The following DICER1 variants were observed in gnomAD, a reference collection of about 807,000 sequenced individuals.
DICER1 encodes the protein dicer 1, ribonuclease III.
In DICER1, 43 loss-of-function variants were observed where a neutral mutation model predicts 194.1. The ratio of observed to expected loss-of-function variants is 0.22; its 90% CI spans 0.17 to 0.29. DICER1 has a LOEUF of 0.29. Among genes scored for constraint, DICER1 ranks in the 10% least tolerant of loss-of-function variants. The pLI, the probability that DICER1 is intolerant of heterozygous loss-of-function variation, is 1.00. For missense variants in DICER1, 1,608 were observed against 2,317.0 expected (o/e 0.69, Z 6.28); for synonymous variants, 832 against 820.5 (o/e 1.01, Z -0.24).
In DICER1 at chr14:95,112,173, A is replaced by G. The variant is rs140087741; in HGVS notation, c.2115T>C (p.Ile705=). Residue 705 remains isoleucine (I), a splice_region_variant and synonymous_variant, in exon 13 of 27, where the codon ATT becomes ATC. Coordinates refer to ENST00000343455, the MANE Select transcript of DICER1 (RefSeq NM_177438.3). ...TATATGCTTTTCAAACATCCTTACCAATTTTGTGCAGTTTCTCACAGCAAA... is the reference window on the plus strand; with the variant it reads ...TATATGCTTTTCAAACATCCTTACCGATTTTGTGCAGTTTCTCACAGCAAA... ...ALICCEKLHK[I]GELDDHLMPV... 2.9e-4 allele frequency: 472 copies of G among 1,613,502 alleles called. 1 individual carries two copies. In the African/African-American group the frequency reaches 5.9e-3, roughly 20 times the overall value.
At chr14:95,119,797 T>A (rs1892785863) in intron 8 of DICER1, among the ~76,000 whole-genome samples, 1 of 152,336 alleles carries the variant, frequency 6.6e-6, no homozygotes, top group East Asian at 1.9e-4. Context: ...ATTTAAAAAG[T>A]ATTAAAATTC....
At chr14:95,110,294 T>TA (rs1891839433) in intron 14 of DICER1, among the ~76,000 whole-genome samples, 1 of 152,066 alleles carries the variant, frequency 6.6e-6, no homozygotes, top group African/African-American at 2.4e-5. Context: ...GGTGCCAGAG[T>TA]CTATCCTGGC....
intron 8 of DICER1, among the ~76,000 whole-genome samples, chr14:95,119,313 CCA>C (rs1426357206): frequency 2.0e-5 from 3 of 152,098 alleles, no homozygotes; most frequent in African/African-American, 4.8e-5. Context: ...CACATCAAAA[CCA>C]CAGAGAACAG....
At chr14:95,155,137 T>A (rs1302434064) in intron 1 of DICER1, among the ~76,000 whole-genome samples, 2 of 152,156 alleles carry the variant, frequency 1.3e-5, no homozygotes, top group Non-Finnish European at 2.9e-5. Context: ...TCCTTGCCTA[T>A]AAAACAAGGA....
At chr14:95,114,628 A>G (rs1293454316) in intron 11 of DICER1, among the ~76,000 whole-genome samples, 1 of 152,172 alleles carries the variant, frequency 6.6e-6, no homozygotes, top group Non-Finnish European at 1.5e-5. Context: ...ATACCGTCTC[A>G]AAGTATCTCC....
intron 1 of DICER1, chr14:95,141,229 C>A (rs564503483): frequency 6.6e-6 from 1 of 152,016 alleles, no homozygotes; most frequent in Non-Finnish European, 1.5e-5. Flanking sequence ...TCCAATTTCC[C>A]AAAATGAAAT....
In DICER1 at chr14:95,112,225, C is replaced by T. The variant is rs542398644; in HGVS notation, c.2063G>A (p.Arg688Gln). ...SIVGPPMSCVRLAERVVALIC... is the reference protein window; with the variant it reads ...SIVGPPMSCVQLAERVVALIC... ...GAGAGCTACAACTCTTTCAGCCAAT[C>T]GTACACAGCTCATTGGTGGACCCTG... Residue 688 changes from arginine (R) to glutamine (Q), a missense_variant, in exon 13 of 27, where the codon CGA (arginine) becomes CAA (glutamine). Physicochemically the swap from Arg to Gln is conservative, Grantham distance 43. This residue lies in a region of DICER1 where 657 missense variants were observed against 910.1 expected (regional missense o/e 0.72). Coordinates refer to ENST00000343455, the MANE Select transcript of DICER1 (RefSeq NM_177438.3). The T allele has an allele frequency of 1.6e-5, 26 of 1,613,990 alleles. No homozygotes were observed. Among genetic ancestry groups the T allele is most frequent in the South Asian group, 7.7e-5 (7 of 91,070 alleles).
rs368344721 is a variant in DICER1 at position 95,138,368 on chromosome 14, T to C, written c.-45-4865A>G. On this transcript the variant is annotated intron_variant, in intron 1 of 26. Transcript: ENST00000343455. Reference sequence around the variant, plus strand: ...AAATGAAAGGTTACATTTATCAACATTTAGGCTCTAAATAAAGAGAAAATA... The same window carrying C: ...AAATGAAAGGTTACATTTATCAACACTTAGGCTCTAAATAAAGAGAAAATA... Among the ~76,000 whole-genome samples, 30 of 150,936 alleles carry C rather than the reference T, an allele frequency of 2.0e-4. No homozygotes were observed. The South Asian group carries it at 6.3e-3, about 32-fold the overall frequency.
chr14:95,120,215 T>C (rs879672169), intron 8 of DICER1, among the ~76,000 whole-genome samples: 2 of 152,204 alleles, frequency 1.3e-5, no homozygotes, highest in Admixed American at 1.3e-4. Context: ...CTTGTCAATG[T>C]GGAGAAAACC....
chr14:95,120,123 C>T (rs954337126), intron 8 of DICER1, among the ~76,000 whole-genome samples: 13 of 152,116 alleles, frequency 8.5e-5, no homozygotes, highest in Admixed American at 7.2e-4. Context: ...AAGATATAAA[C>T]ACATTATTTG....
chr14:95,141,873 T>A (rs1468754747), intron 1 of DICER1: 1 of 152,194 alleles, frequency 6.6e-6, no homozygotes, highest in Non-Finnish European at 1.5e-5. Context: ...AGACAATGCA[T>A]GTCTAAAAGA....
intron 5 of DICER1, 149 bp from the exon 6 acceptor site, chr14:95,129,781 T>C: frequency 2.4e-6 from 2 of 821,662 alleles, no homozygotes; most frequent in Non-Finnish European, 3.8e-6. Context: ...AAGGACAACA[T>C]AAAATTACTC....
chr14:95,115,951 A>G, intron 10 of DICER1, 130 bp from the exon 11 acceptor site: 1 of 886,318 alleles, frequency 1.1e-6, no homozygotes, highest in South Asian at 1.4e-5. Flanking sequence ...TCAGTACTCC[A>G]AAGTAACCTG....
At position 95,126,820 on chromosome 14, in the gene DICER1, A is replaced by C. The variant is rs1454257860; in HGVS notation, c.735-72T>G. ...GCAATTTAAAAAAAGTTTTTCAAAA[A>C]GCAAAAAAAAAAAAAAGGGAATAGA... On this transcript the variant is annotated intron_variant, in intron 6 of 26. Coordinates refer to ENST00000343455, the MANE Select transcript of DICER1 (RefSeq NM_177438.3). The C allele has an allele frequency of 2.4e-5, 23 of 946,176 alleles. No individual in the cohort carries two copies. In the Admixed American group the frequency reaches 3.7e-4, roughly 15 times the overall value. The allele number at this position is 946,176 out of a possible 1,614,324, so 58.6% of individuals were successfully genotyped here.
intron 1 of DICER1, among the ~76,000 whole-genome samples, chr14:95,150,159 T>C (rs1472256711): frequency 6.6e-6 from 1 of 152,214 alleles, no homozygotes; most frequent in Admixed American, 6.5e-5. Context: ...AAGACAGTCT[T>C]ATTTCTCAAC....
rs548387940 is a variant in DICER1, at chr14:95,107,497, G to A, written c.2804+111C>T. ...AATCTCCTGACCTCATGATCTGCCC[G>A]CCTTGGCCTCCCAAAGTGCTGGGAC... is the stretch of plus-strand genomic sequence containing the variant. On this transcript the variant is annotated intron_variant, in intron 17 of 26. Transcript: ENST00000343455. 18 of 1,031,976 alleles carry A rather than the reference G, an allele frequency of 1.7e-5. No homozygotes were observed. The East Asian group carries it at 2.2e-4, about 12-fold the overall frequency. 63.9% of individuals were successfully genotyped at this position (1,031,976 alleles called of 1,614,324 possible).
At chr14:95,120,245 T>C (rs1892825874) in intron 8 of DICER1, among the ~76,000 whole-genome samples, 1 of 152,170 alleles carries the variant, frequency 6.6e-6, no homozygotes, top group Admixed American at 6.5e-5. Flanking sequence ...TCCTCTATGA[T>C]TTCACTAAAA....
Position 95,153,464 on chromosome 14 carries a change from T to A in DICER1, c.-46+3766A>T, listed in dbSNP as rs1040836089. On this transcript the variant is annotated intron_variant, in intron 1 of 26. Coordinates refer to ENST00000343455, the MANE Select transcript of DICER1 (RefSeq NM_177438.3). ...TTTATCCAGTTTCTCTAAAATGGCA[T>A]GTGAAAAAATGTTTCTCTATCGTTT... 3.9e-5 allele frequency among the ~76,000 whole-genome samples: 6 copies of A among 152,352 alleles called. No individual in the cohort carries two copies. In the Middle Eastern group the frequency reaches 0.01, roughly 259 times the overall value.
rs1265947222 is a variant in DICER1, at chr14:95,089,811, C to G, written c.*687G>C. ...TTCCAAAAAGATCAGAGATTAAAGA[C>G]TATCCATGAAGGTTTCACTTTTAAG... On this transcript the variant is annotated 3_prime_UTR_variant, in exon 27 of 27. Transcript: ENST00000343455. 4.3e-6 allele frequency: 1 copy of G among 232,112 alleles called. No individual in the cohort carries two copies. Among genetic ancestry groups the G allele is most frequent in the Non-Finnish European group, 8.5e-6 (1 of 117,232 alleles). 14.4% of individuals were successfully genotyped at this position (232,112 alleles called of 1,614,324 possible). A position where few individuals can be genotyped will look rare whatever the true frequency, so the allele number is the denominator to read the frequency against.
Sources: allele counts gnomAD v4.1 joint callset (sites outside exome capture counted in the v4.1 genomes callset), GRCh38; gene constraint gnomAD v4.1.1; regional missense constraint gnomAD v4.1.1; transcripts MANE v1.5; gene names NCBI Gene and HGNC (gene_info 2026-07-23, HGNC 2026-07-21).